PNPLA3: variants seen among roughly 807,000 people sequenced by gnomAD.
The protein encoded by PNPLA3 is 1-acylglycerol-3-phosphate O-acyltransferase PNPLA3.
PNPLA3 carries 42 observed loss-of-function variants against 43.1 expected under a neutral mutation model. The ratio of observed to expected loss-of-function variants is 0.97; its 90% confidence interval spans 0.76 to 1.26. The LOEUF is 1.26. Ranked by LOEUF, PNPLA3 falls within the 50% of genes most tolerant of loss-of-function variation. PNPLA3 has a pLI of 0.00. For missense variants in PNPLA3, 647 were observed against 621.4 expected, an observed-to-expected ratio of 1.04 and a Z score of -0.44; for synonymous variants, 272 against 253.6, an observed-to-expected ratio of 1.07 and a Z score of -0.69.
At chr22:43,944,618 A>T (rs1475702600) in intron 7 of PNPLA3, 73 bp from the exon 8 acceptor site, 1 of 1,278,106 alleles carries the variant, frequency 7.8e-7, no homozygotes, top group African/African-American at 1.5e-5. Context: ...CAGCTTTTGT[A>T]AACAAAGGGT....
At chr22:43,926,474 G>GGGCATGGAGGTGA (rs1447819661) in intron 1 of PNPLA3, among the ~76,000 whole-genome samples, 1 of 152,142 alleles carries the variant, frequency 6.6e-6, no homozygotes, top group Non-Finnish European at 1.5e-5. Flanking sequence ...CATGGAGGTG[G>GGGCATGGAGGTGA]GGCATGGAGG....
chr22:43,926,818 A>T (rs1429364403), intron 1 of PNPLA3, 117 bp from the exon 2 acceptor site: 3 of 791,038 alleles, frequency 3.8e-6, no homozygotes, highest in Non-Finnish European at 6.3e-6. Flanking sequence ...CCCATAGTAG[A>T]CAGTACTGGT....
intron 3 of PNPLA3, among the ~76,000 whole-genome samples, chr22:43,929,910 G>A (rs769437635): frequency 6.6e-6 from 1 of 152,162 alleles, no homozygotes; most frequent in African/African-American, 2.4e-5. Context: ...AATCACATGT[G>A]TTGTAAACAA....
At position 43,940,023 on chromosome 22, in the gene PNPLA3, G is replaced by A. The variant is rs745670695; in HGVS notation, c.1010G>A (p.Gly337Glu). The change falls in exon 7 of 9, where the codon GGA (glycine) becomes GAA (glutamate). Residue 337 changes from glycine (G) to glutamate (E), a missense_variant. Transcript: ENST00000216180. ...AGTGAAGAAATGAAAGACAAAGGTG[G>A]ATACATGAGCAAGATTTGCAACTTG... Reference protein sequence around the residue: ...ALSEEMKDKGGYMSKICNLLP... With the variant: ...ALSEEMKDKGEYMSKICNLLP... The A allele has an allele frequency of 1.9e-6, 3 of 1,614,120 alleles. No individual in the cohort carries two copies. The South Asian group carries it at 3.3e-5, about 18-fold the overall frequency.
intron 3 of PNPLA3, among the ~76,000 whole-genome samples, chr22:43,931,702 G>T (rs1301832942): frequency 1.3e-5 from 2 of 152,130 alleles, no homozygotes; most frequent in African/African-American, 2.4e-5. Context: ...TTTTAGCAGA[G>T]ACAGGGTTTC....
intron 5 of PNPLA3, 57 bp from the exon 6 acceptor site, chr22:43,936,994 G>C: frequency 3.5e-6 from 5 of 1,437,558 alleles, no homozygotes; most frequent in Non-Finnish European, 4.8e-6. Context: ...AGATGGGTGG[G>C]TAACGACCAC....
chr22:43,941,504 AGG>A (rs2082436475), intron 7 of PNPLA3, among the ~76,000 whole-genome samples: 2 of 152,210 alleles, frequency 1.3e-5, no homozygotes, highest in South Asian at 4.1e-4. Flanking sequence ...CCTGGAGCAG[AGG>A]GTGGTCAGGA....
At chr22:43,937,858 C>T (rs1369053342) in intron 6 of PNPLA3, among the ~76,000 whole-genome samples, 2 of 152,162 alleles carry the variant, frequency 1.3e-5, no homozygotes, top group African/African-American at 4.8e-5. Context: ...TGCTATGGTC[C>T]AAATGATTGT....
intron 5 of PNPLA3, among the ~76,000 whole-genome samples, chr22:43,935,474 G>A (rs1365881977): frequency 6.6e-6 from 1 of 152,120 alleles, no homozygotes; most frequent in African/African-American, 2.4e-5. Flanking sequence ...AGGTGTCAAG[G>A]AGAAGACACA....
chr22:43,933,688 T>C (rs2049976333), intron 4 of PNPLA3, among the ~76,000 whole-genome samples: 3 of 152,198 alleles, frequency 2.0e-5, no homozygotes. Context: ...AGATGATTCT[T>C]ATTTGGAAAC....
chr22:43,939,029 G>A (rs780782694), intron 6 of PNPLA3, among the ~76,000 whole-genome samples: 6 of 152,184 alleles, frequency 3.9e-5, no homozygotes, highest in Non-Finnish European at 5.9e-5. Context: ...AGGTTCAAAT[G>A]ATCCTCATGC....
chr22:43,946,486 C>T lies in PNPLA3; in HGVS notation c.*104C>T, dbSNP rs1027790067. The T allele has an allele frequency of 1.6e-5, 18 of 1,132,888 alleles. No homozygotes were observed. The highest frequency in any genetic ancestry group is 6.2e-5 in the African/African-American group (4 of 65,008). The allele number at this position is 1,132,888 out of a possible 1,614,324, so 70.2% of individuals were successfully genotyped here. A position where few individuals can be genotyped will look rare whatever the true frequency, so the allele number is the denominator to read the frequency against. On this transcript the variant is annotated 3_prime_UTR_variant, in exon 9 of 9. Coordinates refer to ENST00000216180, the MANE Select transcript of PNPLA3 (RefSeq NM_025225.3). The stretch of plus-strand genomic sequence containing the variant: ...GCTGTGTAGTGACCCCTGCCTGTGA[C>T]GTGGAGGATCCCAGCCTCTGAGCTG...
chr22:43,926,853 TGC>T, intron 1 of PNPLA3, 80 bp from the exon 2 acceptor site: 1 of 1,179,102 alleles, frequency 8.5e-7, no homozygotes, highest in African/African-American at 1.5e-5. Context: ...GTGGCATCCT[TGC>T]TGTCTGGTTT....
intron 5 of PNPLA3, among the ~76,000 whole-genome samples, chr22:43,935,083 AG>A (rs1374947524): frequency 3.3e-5 from 5 of 152,274 alleles, no homozygotes; most frequent in Admixed American, 2.0e-4. Flanking sequence ...ATCTCCAGTC[AG>A]GTGTGGGTCC....
intron 5 of PNPLA3, among the ~76,000 whole-genome samples, chr22:43,936,254 G>A (rs2049994713): frequency 6.6e-6 from 1 of 152,084 alleles, no homozygotes; most frequent in Admixed American, 6.5e-5. Context: ...GGGTGAGGAG[G>A]GCATCTGATA....
At chr22:43,943,017 C>A (rs746100940) in intron 7 of PNPLA3, among the ~76,000 whole-genome samples, 1 of 152,030 alleles carries the variant, frequency 6.6e-6, no homozygotes, top group African/African-American at 2.4e-5. Context: ...TCATATTTTT[C>A]ATCACTCGTT....
rs753306590 is a variant in PNPLA3 at position 43,937,153 on chromosome 22, C to T, written c.860C>T (p.Pro287Leu). The T allele has an allele frequency of 2.5e-5, 40 of 1,614,014 alleles. No homozygotes were observed. The highest frequency in any genetic ancestry group is 2.4e-4 in the South Asian group (22 of 91,080). ...GCAAACATGAGTCTGGATTCTTCCC[C>T]GGAGTCGGCTGCCTTGGCTGTGAGG... Reference protein sequence around the residue: ...SWANMSLDSSPESAALAVRLE... With the variant: ...SWANMSLDSSLESAALAVRLE... The change falls in exon 6 of 9, where the codon CCG (proline) becomes CTG (leucine). Residue 287 changes from proline to leucine, a missense_variant. Pro to Leu is a moderately conservative substitution (Grantham distance 98). Transcript: ENST00000216180.
At chr22:43,941,616 C>G (rs527525268) in intron 7 of PNPLA3, among the ~76,000 whole-genome samples, 1 of 152,124 alleles carries the variant, frequency 6.6e-6, no homozygotes, top group Admixed American at 6.5e-5. Context: ...TAATGATGAT[C>G]GTAAAATTAG....
chr22:43,930,750 G>A (rs1034444166), intron 3 of PNPLA3, among the ~76,000 whole-genome samples: 1 of 152,202 alleles, frequency 6.6e-6, no homozygotes, highest in Admixed American at 6.5e-5. Flanking sequence ...AAGCAGGAGT[G>A]TTTGTTCTGC....
Sources: allele counts gnomAD v4.1 joint callset (sites outside exome capture counted in the v4.1 genomes callset), GRCh38; gene constraint gnomAD v4.1.1; transcripts MANE v1.5; gene names NCBI Gene and HGNC (gene_info 2026-07-23, HGNC 2026-07-21).